Variants in DEPDC7 observed in about 807,000 individuals in gnomAD.
DEPDC7 encodes the protein DEP domain containing 7.
A neutral mutation model predicts 56.6 loss-of-function variants in DEPDC7; 41 were observed. The ratio of observed to expected loss-of-function variants is 0.72; its 90% CI spans 0.56 to 0.94. The LOEUF is 0.94. DEPDC7 is among the 40% of genes least tolerant of loss of function. DEPDC7 has a pLI of 0.00. For missense variants in DEPDC7, 522 were observed against 596.3 expected (o/e 0.88, Z 1.30); for synonymous variants, 185 against 208.8 (o/e 0.89, Z 0.98).
chr11:33,032,236 A>G, intron 5 of DEPDC7, 100 bp from the exon 6 acceptor site: 1 of 1,084,096 alleles, frequency 9.2e-7, no homozygotes, highest in Non-Finnish European at 1.3e-6. Context: ...AATAATTTTG[A>G]ATAAGTGCAC....
In DEPDC7 at chr11:33,033,237, GAACTT is replaced by G. The variant is rs750874884; in HGVS notation, c.1343-24_1343-20del. ...AATATGAGGAATTGAGTCATTAACT[GAACTT>G]TTTACTTTTAAACTTTAAGGATATA... On this transcript the variant is annotated intron_variant, in intron 8 of 8. Transcript: ENST00000241051. 1 of 1,508,482 alleles carries G rather than the reference GAACTT, an allele frequency of 6.6e-7. No homozygotes were observed. Among genetic ancestry groups the G allele is most frequent in the South Asian group, 1.2e-5 (1 of 81,322 alleles). The allele number at this position is 1,508,482 out of a possible 1,614,324, so 93.4% of individuals were successfully genotyped here.
chr11:33,027,121 T>G (rs1210388598), intron 2 of DEPDC7, among the ~76,000 whole-genome samples: 1 of 152,200 alleles, frequency 6.6e-6, no homozygotes, highest in East Asian at 1.9e-4. Context: ...ATCTTGTACA[T>G]TTATGTGGTT....
At chr11:33,029,294 G>T (rs12271282) in intron 4 of DEPDC7, among the ~76,000 whole-genome samples, 60,778 of 151,092 alleles carry the variant, frequency 0.4, 12,375 homozygotes, top group East Asian at 0.46. Context: ...GGTCAGGAGT[G>T]CGAGGCCAGC....
In DEPDC7 at chr11:33,027,795, G is replaced by A. The variant is rs34161108; in HGVS notation, c.574G>A (p.Ala192Thr). ...PANSPHVNIS[A>T]TLSPQVINEV... ...CAACTCCCCTCATGTAAATATCTCT[G>A]CAACCTTGTCTCCACAAGGTAAGCT... Residue 192 changes from alanine (A) to threonine (T), a missense_variant, in exon 3 of 9, where the codon GCA (alanine) becomes ACA (threonine). Physicochemically the swap from Ala to Thr is moderately conservative, Grantham distance 58. Coordinates refer to ENST00000241051, the MANE Select transcript of DEPDC7 (RefSeq NM_001077242.2). The A allele has an allele frequency of 0.071, 111,189 of 1,570,206 alleles. 4,565 individuals are homozygous for A. The highest frequency in any genetic ancestry group is 0.14 in the South Asian group (11,263 of 82,982).
chr11:33,033,277 A>G lies in DEPDC7; in HGVS notation c.1358A>G (p.Gln453Arg). ...AAACTTTAAGGATATATTTATTGCC[A>G]GAGAATTGATCAACGTGACTATTCC... ...PNRDAGYIYC[Q>R]RIDQRDYSNN... is the part of the protein sequence containing the mutation. Residue 453 changes from glutamine to arginine, a missense_variant, in exon 9 of 9, where the codon CAG (glutamine) becomes CGG (arginine). Coordinates refer to ENST00000241051, the MANE Select transcript of DEPDC7 (RefSeq NM_001077242.2). The G allele has an allele frequency of 1.3e-6, 2 of 1,593,530 alleles. No homozygotes were observed. The highest frequency in any genetic ancestry group is 8.5e-7 in the Non-Finnish European group (1 of 1,173,956).
At chr11:33,029,357 G>A (rs1853610132) in intron 4 of DEPDC7, among the ~76,000 whole-genome samples, 1 of 151,524 alleles carries the variant, frequency 6.6e-6, no homozygotes, top group Admixed American at 6.6e-5. Flanking sequence ...AATTAGCCAG[G>A]CATGGTGGCA....
chr11:33,026,643 C>T (rs1045945347), intron 2 of DEPDC7: 1 of 162,822 alleles, frequency 6.1e-6, no homozygotes, highest in Non-Finnish European at 1.4e-5. Flanking sequence ...GGGTCTTACC[C>T]TCTCACCCAG....
intron 1 of DEPDC7, 166 bp downstream of exon 1, chr11:33,016,194 G>A (rs1008530128): frequency 1.1e-5 from 14 of 1,267,016 alleles, no homozygotes; most frequent in African/African-American, 3.1e-5. Context: ...CGCCCCCGCC[G>A]AGCGGGCGGA....
chr11:33,028,686 C>G lies in DEPDC7; in HGVS notation c.676C>G (p.Gln226Glu). ...DLPLLDSLLK[Q>E]QEAVPKIPQP... ...TCCACTTCTTGACTCCTTACTGAAACAGCAAGAGGCTGTACCTAAAATTCC... is the reference window on the plus strand; with the variant it reads ...TCCACTTCTTGACTCCTTACTGAAAGAGCAAGAGGCTGTACCTAAAATTCC... Residue 226 changes from glutamine (Q) to glutamate (E), a missense_variant, in exon 4 of 9, where the codon CAG becomes GAG. By Grantham distance (29) the Gln-to-Glu change is conservative. Transcript: ENST00000241051. 6.2e-7 allele frequency: 1 copy of G among 1,613,934 alleles called. No homozygotes were observed. Among genetic ancestry groups the G allele is most frequent in the Non-Finnish European group, 8.5e-7 (1 of 1,179,944 alleles).
chr11:33,033,065 C>A, intron 8 of DEPDC7, 98 bp downstream of exon 8: 1 of 1,074,604 alleles, frequency 9.3e-7, no homozygotes. Context: ...TAATTTCAAC[C>A]AAATTTAAAA....
Position 33,032,370 on chromosome 11 carries a change from C to T in DEPDC7, c.1029C>T (p.Thr343=). 1.9e-6 allele frequency: 3 copies of T among 1,570,900 alleles called. No individual in the cohort carries two copies. Among genetic ancestry groups the T allele is most frequent in the Non-Finnish European group, 8.6e-7 (1 of 1,167,914 alleles). ...NGKTEIALEA[T]QLLLKLLDFQ... is the part of the protein sequence containing the mutation. ...AGACGGAAATAGCTTTAGAAGCTAC[C>T]CAGCTCCTTCTAAAGCTTTTAGATT... The change falls in exon 6 of 9, where the codon ACC becomes ACT. Residue 343 remains threonine (T), a synonymous_variant. Transcript: ENST00000241051.
At chr11:33,021,403 A>T (rs1853523302) in intron 1 of DEPDC7, among the ~76,000 whole-genome samples, 1 of 152,224 alleles carries the variant, frequency 6.6e-6, no homozygotes, top group South Asian at 2.1e-4. Context: ...AGACTTAAAA[A>T]ACATTCATTG....
At position 33,015,950 on chromosome 11, in the gene DEPDC7, AG is replaced by A; in HGVS notation, c.-3del. 1.3e-6 allele frequency: 2 copies of A among 1,573,496 alleles called. No homozygotes were observed. Among genetic ancestry groups the A allele is most frequent in the Admixed American group, 1.8e-5 (1 of 54,842 alleles). On this transcript the variant is annotated 5_prime_UTR_variant, in exon 1 of 9. Coordinates refer to ENST00000241051, the MANE Select transcript of DEPDC7 (RefSeq NM_001077242.2). ...TGGAGGAGTTGGCGTCCGGGGAGCAAGGGCCATGGCCACCGTGCAGGAGAAG... is the reference window on the plus strand; with the variant it reads ...TGGAGGAGTTGGCGTCCGGGGAGCAAGGCCATGGCCACCGTGCAGGAGAAG...
At chr11:33,030,132 G>A (rs1444768821) in intron 4 of DEPDC7, among the ~76,000 whole-genome samples, 2 of 152,122 alleles carry the variant, frequency 1.3e-5, no homozygotes, top group Non-Finnish European at 2.9e-5. Flanking sequence ...GCTGATTTTT[G>A]TATTTTTAGT....
rs375593314 is a variant in DEPDC7 at position 33,025,666 on chromosome 11, T to C, written c.81T>C (p.Ser27=). 1 of 1,604,610 alleles carries C rather than the reference T, an allele frequency of 6.2e-7. No homozygotes were observed. The highest frequency in any genetic ancestry group is 1.3e-5 in the African/African-American group (1 of 74,690). The stretch of plus-strand genomic sequence containing the variant: ...TGATTTTTCTCCTTCTAGGTTTCAG[T>C]GTAGCTCAGAAGCCATTTGGAGCCA... The part of the protein sequence containing the change: ...HSPAHRPPGF[S]VAQKPFGATY... The change falls in exon 2 of 9, where the codon AGT becomes AGC. Residue 27 remains serine, a synonymous_variant. Transcript: ENST00000241051.
chr11:33,032,753 T>C lies in DEPDC7; in HGVS notation c.1223T>C (p.Leu408Pro). Residue 408 changes from leucine (L) to proline (P), a missense_variant, in exon 7 of 9, where the codon CTG (leucine) becomes CCG (proline). Transcript: ENST00000241051. ...KNLSKGKTDL[L>P]VLFLMDHQKD... ...TTATCCAAAGGCAAAACAGATCTTCTGGTACTCTTTTTAATGGATCATCAG... is the reference window on the plus strand; with the variant it reads ...TTATCCAAAGGCAAAACAGATCTTCCGGTACTCTTTTTAATGGATCATCAG... The C allele has an allele frequency of 6.2e-7, 1 of 1,606,534 alleles. No homozygotes were observed. Among genetic ancestry groups the C allele is most frequent in the Non-Finnish European group, 8.5e-7 (1 of 1,177,554 alleles).
At chr11:33,016,359 CGCGGT>C in intron 1 of DEPDC7, 1 of 1,424,184 alleles carries the variant, frequency 7.0e-7, no homozygotes, top group Admixed American at 3.1e-5. Context: ...GGATATGCTC[CGCGGT>C]GCTACCGGTG....
intron 4 of DEPDC7, among the ~76,000 whole-genome samples, chr11:33,031,065 C>T (rs991153413): frequency 3.3e-5 from 5 of 152,142 alleles, no homozygotes; most frequent in Non-Finnish European, 5.9e-5. Context: ...GTTTCTGGGT[C>T]TCCATCGTAA....
intron 1 of DEPDC7, among the ~76,000 whole-genome samples, chr11:33,017,051 A>G (rs985558965): frequency 6.6e-6 from 1 of 152,170 alleles, no homozygotes; most frequent in Non-Finnish European, 1.5e-5. Context: ...TGACTTACTC[A>G]CTAATGCTCA....
Sources: allele counts gnomAD v4.1 joint callset (sites outside exome capture counted in the v4.1 genomes callset), GRCh38; gene constraint gnomAD v4.1.1; transcripts MANE v1.5; gene names NCBI Gene and HGNC (gene_info 2026-07-23, HGNC 2026-07-21).